ANK3: variants seen among roughly 807,000 people sequenced by gnomAD.
The protein encoded by ANK3 is ankyrin 3, also known as ankyrin-3.
Under a neutral mutation model 370.9 loss-of-function variants are expected in ANK3, and 57 were observed. The ratio of observed to expected loss-of-function variants is 0.15; its 90% CI spans 0.12 to 0.19. The LOEUF is 0.19. ANK3 is among the 10% of genes least tolerant of loss of function. ANK3 has a pLI of 1.00. For synonymous variants in ANK3, 1,929 were observed against 1,946.3 expected, an observed-to-expected ratio of 0.99 and a Z score of 0.23; for missense variants, 4,439 against 5,302.1, an observed-to-expected ratio of 0.84 and a Z score of 5.06.
chr10:60,256,873 T>C (rs1245546201), intron 7 of ANK3, among the ~76,000 whole-genome samples: 3 of 152,214 alleles, frequency 2.0e-5, no homozygotes, highest in East Asian at 1.9e-4. Context: ...CAGTCCACTG[T>C]TGATGGGCAC....
intron 4 of ANK3, among the ~76,000 whole-genome samples, chr10:60,272,541 GA>G (rs2098013008): frequency 6.6e-6 from 1 of 151,836 alleles, no homozygotes; most frequent in Non-Finnish European, 1.5e-5. Context: ...GTGCAGTTGT[GA>G]GATCTCAGCT....
intron 2 of ANK3, among the ~76,000 whole-genome samples, chr10:60,594,653 G>C (rs1024069654): frequency 6.6e-6 from 1 of 152,004 alleles, no homozygotes; most frequent in Non-Finnish European, 1.5e-5. Flanking sequence ...TATAAGAAAA[G>C]TAAAATGTAG....
At chr10:60,365,504 T>C (rs767260128) in intron 1 of ANK3, among the ~76,000 whole-genome samples, 3 of 152,236 alleles carry the variant, frequency 2.0e-5, no homozygotes, top group Non-Finnish European at 4.4e-5. Flanking sequence ...CATTTAACAG[T>C]TATTAGAAGC....
chr10:60,043,780 G>A (rs1215815845), intron 42 of ANK3: 4 of 985,278 alleles, frequency 4.1e-6, no homozygotes, highest in East Asian at 1.1e-4. Flanking sequence ...CTGAGGTTTG[G>A]TGGTGAATGG....
intron 25 of ANK3, among the ~76,000 whole-genome samples, chr10:60,122,700 A>G (rs1221437764): frequency 6.6e-6 from 1 of 152,230 alleles, no homozygotes. Context: ...GCATGGAATT[A>G]TCATAATGTC....
chr10:60,465,269 A>G (rs2064983473), intron 2 of ANK3, among the ~76,000 whole-genome samples: 1 of 152,106 alleles, frequency 6.6e-6, no homozygotes, highest in Non-Finnish European at 1.5e-5. Flanking sequence ...GTCACCAAAA[A>G]AAAAAAAGAA....
chr10:60,167,497 G>A (rs923327336), intron 21 of ANK3, among the ~76,000 whole-genome samples: 17 of 151,812 alleles, frequency 1.1e-4, no homozygotes, highest in African/African-American at 4.1e-4. Context: ...TGCAGCAAAT[G>A]CCTACTGCCT....
rs1279687079 is a variant in ANK3 at position 60,075,445 on chromosome 10, G to C, written c.5436C>G (p.Thr1812=). 7.4e-6 allele frequency: 12 copies of C among 1,612,628 alleles called. No homozygotes were observed. Among genetic ancestry groups the C allele is most frequent in the Non-Finnish European group, 1.0e-5 (12 of 1,180,010 alleles). ...TSLGSSISAT[T]SSVTSSIITV... ...TTATAATTGATGAAGTTACAGATGA[G>C]GTAGTTGCAGATATTGACGACCCAA... The change falls in exon 37 of 44, where the codon ACC becomes ACG. Residue 1812 remains threonine (T), a synonymous_variant. Coordinates refer to ENST00000280772, the MANE Select transcript of ANK3 (RefSeq NM_020987.5).
rs1595359896 is a variant in ANK3 at position 60,624,503 on chromosome 10, G to C, written c.58-9279C>G. On this transcript the variant is annotated intron_variant, in intron 1 of 43. Transcript: ENST00000373827. ...TCCCCAGTCTTCCCTTGCTCGATTT[G>C]AATCTGTATTCTTTTGCTCTTATAA... Among the ~76,000 whole-genome samples the C allele has an allele frequency of 2.0e-5, 3 of 152,080 alleles. No individual in the cohort carries two copies. The South Asian group carries it at 6.2e-4, about 31-fold the overall frequency.
chr10:60,703,298 T>A (rs1596196), intron 1 of ANK3, among the ~76,000 whole-genome samples: 41,010 of 152,110 alleles, frequency 0.27, 6,629 homozygotes, highest in South Asian at 0.48. Context: ...TGGGGTTTTT[T>A]AAATTTTTAT....
intron 1 of ANK3, among the ~76,000 whole-genome samples, chr10:60,305,426 A>G: frequency 6.6e-6 from 1 of 151,124 alleles, no homozygotes; most frequent in Non-Finnish European, 1.5e-5. Context: ...GACCTCCCCT[A>G]GGAACTCACT....
At chr10:60,090,406 C>T (rs796535093) in intron 28 of ANK3, among the ~76,000 whole-genome samples, 2 of 151,852 alleles carry the variant, frequency 1.3e-5, no homozygotes, top group African/African-American at 4.8e-5. Flanking sequence ...AACTGGAAAC[C>T]CAGAAGCCTA....
chr10:60,655,180 A>G (rs1286171484), intron 1 of ANK3, among the ~76,000 whole-genome samples: 7 of 151,784 alleles, frequency 4.6e-5, no homozygotes, highest in African/African-American at 1.7e-4. Context: ...TTTAATCATC[A>G]TTTTAGAGCA....
At chr10:60,305,895 C>A (rs151246669) in intron 1 of ANK3, among the ~76,000 whole-genome samples, 1 of 152,122 alleles carries the variant, frequency 6.6e-6, no homozygotes, top group Non-Finnish European at 1.5e-5. Flanking sequence ...CTGAAAGTGC[C>A]GCTTTCACAG....
chr10:60,484,677 T>C (rs891564888), intron 2 of ANK3, among the ~76,000 whole-genome samples: 7 of 152,184 alleles, frequency 4.6e-5, no homozygotes, highest in Non-Finnish European at 1.0e-4. Context: ...TTTCTCCTGA[T>C]GATGGACTCA....
rs1311468918 is a variant in ANK3, at chr10:60,222,582, C to G, written c.898-9072G>C. On this transcript the variant is annotated intron_variant, in intron 8 of 43. Transcript: ENST00000280772. ...CACGGTTCTGATTTAGGATGCCATT[C>G]TGTTCAAAATGATCTTCACTAACTG... Among the ~76,000 whole-genome samples the G allele has an allele frequency of 2.0e-5, 3 of 152,166 alleles. No homozygotes were observed. In the East Asian group the frequency reaches 5.8e-4, roughly 29 times the overall value.
chr10:60,507,241 T>G (rs1567102616), intron 2 of ANK3, among the ~76,000 whole-genome samples: 2 of 152,200 alleles, frequency 1.3e-5, no homozygotes, highest in East Asian at 3.9e-4. Flanking sequence ...GGGGTATATA[T>G]TTGTTTACTT....
Position 60,185,103 on chromosome 10 carries a change from AATGCTGAGAC to A in ANK3, c.2085+1602_2085+1611del, listed in dbSNP as rs138236895. On this transcript the variant is annotated intron_variant, in intron 17 of 43. Transcript: ENST00000280772. ...ATGAAATTGCTTTTTGATTCCCATT[AATGCTGAGAC>A]ATGCACTCCTAAAAGGAATGTTTAA... Among the ~76,000 whole-genome samples the A allele has an allele frequency of 5.2e-3, 788 of 152,304 alleles. 9 individuals are homozygous for A. The highest frequency in any genetic ancestry group is 0.018 in the African/African-American group (768 of 41,574).
At chr10:60,424,750 A>G (rs2063845752) in intron 2 of ANK3, among the ~76,000 whole-genome samples, 1 of 152,104 alleles carries the variant, frequency 6.6e-6, no homozygotes, top group Non-Finnish European at 1.5e-5. Flanking sequence ...TGAAAAATCT[A>G]GATGATAATA....
Sources: allele counts gnomAD v4.1 joint callset (sites outside exome capture counted in the v4.1 genomes callset), GRCh38; gene constraint gnomAD v4.1.1; transcripts MANE v1.5; gene names NCBI Gene and HGNC (gene_info 2026-07-23, HGNC 2026-07-21).